MICAL3: variants seen among roughly 807,000 people sequenced by gnomAD.
MICAL3 encodes [F-actin]-monooxygenase MICAL3.
In MICAL3, 62 loss-of-function variants were observed where a neutral mutation model predicts 207.4. The observed-to-expected ratio is 0.30, with a 90% CI of 0.24 to 0.37. The LOEUF is 0.37. MICAL3 is among the 10% of genes least tolerant of loss of function. The pLI is 1.00. For missense variants in MICAL3, 2,368 were observed against 2,635.6 expected (o/e 0.90, Z 2.22); for synonymous variants, 1,077 against 1,069.3 (o/e 1.01, Z -0.14).
At chr22:17,877,545 G>C (rs1475738331) in intron 16 of MICAL3, among the ~76,000 whole-genome samples, 1 of 145,082 alleles carries the variant, frequency 6.9e-6, no homozygotes, top group Non-Finnish European at 1.5e-5. Context: ...GGTTATGGAG[G>C]TGAGGGAGGT....
intron 29 of MICAL3, among the ~76,000 whole-genome samples, chr22:17,802,061 A>ATT (rs35160195): frequency 6.7e-4 from 96 of 143,636 alleles, no homozygotes; most frequent in Middle Eastern, 3.5e-3. Context: ...AATGTAAACA[A>ATT]TTTTTTTTTT....
intron 1 of MICAL3, among the ~76,000 whole-genome samples, chr22:17,987,330 T>C (rs1921135492): frequency 6.6e-6 from 1 of 152,236 alleles, no homozygotes. Flanking sequence ...TGTTTGGAAC[T>C]GTAACTGAGC....
intron 1 of MICAL3, among the ~76,000 whole-genome samples, chr22:17,984,431 G>C (rs1236183835): frequency 6.6e-6 from 1 of 152,250 alleles, no homozygotes; most frequent in Non-Finnish European, 1.5e-5. Flanking sequence ...ACTGGTCCAA[G>C]ATTACGCAGA....
chr22:17,860,779 C>T, intron 19 of MICAL3: 1 of 984,582 alleles, frequency 1.0e-6, no homozygotes, highest in Non-Finnish European at 1.2e-6. Flanking sequence ...GACACCCACC[C>T]ACTCACCTCC....
intron 1 of MICAL3, among the ~76,000 whole-genome samples, chr22:17,963,993 A>C (rs966381513): frequency 3.3e-5 from 5 of 152,218 alleles, no homozygotes; most frequent in African/African-American, 7.2e-5. Flanking sequence ...TGGCAATAAC[A>C]ACCATTATTG....
rs374930430 is a variant in MICAL3, at chr22:18,017,679, G to A, written c.-75+6602C>T. On this transcript the variant is annotated intron_variant, in intron 1 of 31. Coordinates refer to ENST00000441493, the MANE Select transcript of MICAL3 (RefSeq NM_015241.3). ...CAGCTCACTGCAACCTCTGCCTCCC[G>A]GGTTCAAGTGATTCTCCTGCCTCTG... Among the ~76,000 whole-genome samples, 12 of 148,912 alleles carry A rather than the reference G, an allele frequency of 8.1e-5. No homozygotes were observed. The East Asian group carries it at 2.0e-3, about 25-fold the overall frequency.
intron 1 of MICAL3, among the ~76,000 whole-genome samples, chr22:17,927,421 G>A (rs1932974203): frequency 2.0e-5 from 3 of 152,144 alleles, no homozygotes; most frequent in Non-Finnish European, 4.4e-5. Context: ...GCTCAAGTGT[G>A]CAATTCCCAT....
chr22:18,022,720 C>T (rs768333896), intron 1 of MICAL3, among the ~76,000 whole-genome samples: 1 of 152,140 alleles, frequency 6.6e-6, no homozygotes, highest in African/African-American at 2.4e-5. Context: ...TGAGCCTCTG[C>T]GCCCAGCCCC....
intron 1 of MICAL3, among the ~76,000 whole-genome samples, chr22:17,988,035 G>A (rs935041074): frequency 1.6e-4 from 24 of 152,120 alleles, no homozygotes; most frequent in Admixed American, 1.0e-3. Flanking sequence ...CAGAACACCC[G>A]AAGCCAAGGC....
intron 1 of MICAL3, among the ~76,000 whole-genome samples, chr22:17,940,470 G>C (rs1933755682): frequency 6.6e-6 from 1 of 152,162 alleles, no homozygotes; most frequent in South Asian, 2.1e-4. Flanking sequence ...TTCTGATGAA[G>C]GCTGTTAAAC....
intron 1 of MICAL3, among the ~76,000 whole-genome samples, chr22:17,932,338 A>G (rs535257220): frequency 6.6e-6 from 1 of 152,252 alleles, no homozygotes; most frequent in African/African-American, 2.4e-5. Context: ...TTCTTAAAGA[A>G]AAGAATTTTC....
At chr22:17,937,540 G>A (rs752945117) in intron 1 of MICAL3, among the ~76,000 whole-genome samples, 10 of 152,166 alleles carry the variant, frequency 6.6e-5, no homozygotes, top group Non-Finnish European at 1.2e-4. Flanking sequence ...GCGCATCCCC[G>A]TAATCCTAGC....
intron 29 of MICAL3, among the ~76,000 whole-genome samples, chr22:17,795,465 G>A (rs985095593): frequency 1.3e-5 from 2 of 152,186 alleles, no homozygotes; most frequent in Non-Finnish European, 2.9e-5. Context: ...CGCCTGCACG[G>A]GTAATAATTA....
intron 19 of MICAL3, chr22:17,863,055 A>G: frequency 6.1e-6 from 6 of 985,138 alleles, no homozygotes; most frequent in Non-Finnish European, 7.2e-6. Context: ...CTCTCTCCCC[A>G]CTATGTAGAA....
chr22:18,008,172 G>A (rs1602395174), intron 1 of MICAL3, among the ~76,000 whole-genome samples: 1 of 152,064 alleles, frequency 6.6e-6, no homozygotes. Flanking sequence ...CCCAGGAGGT[G>A]GAGATTGCAG....
chr22:18,017,908 G>T (rs1924172730), intron 1 of MICAL3, among the ~76,000 whole-genome samples: 2 of 151,714 alleles, frequency 1.3e-5, no homozygotes, highest in South Asian at 4.2e-4. Flanking sequence ...CCGCCACCAC[G>T]CCCGGCTCAT....
chr22:17,993,224 T>C (rs1451509926), intron 1 of MICAL3, among the ~76,000 whole-genome samples: 1 of 151,326 alleles, frequency 6.6e-6, no homozygotes, highest in Non-Finnish European at 1.5e-5. Flanking sequence ...GTGCCAATTA[T>C]ACACAGTGAT....
At chr22:17,871,780 T>C in intron 17 of MICAL3, 57 bp downstream of exon 17, 2 of 1,504,458 alleles carry the variant, frequency 1.3e-6, no homozygotes, top group Non-Finnish European at 1.8e-6. Context: ...CCAGCTCAGA[T>C]GGAAACACTG....
chr22:17,889,288 C>T (rs550532675), intron 12 of MICAL3, 58 bp from the exon 13 acceptor site: 6 of 1,307,128 alleles, frequency 4.6e-6, no homozygotes, highest in East Asian at 2.3e-5. Flanking sequence ...TAAACAGAAA[C>T]GCAGTATCCT....
Sources: allele counts gnomAD v4.1 joint callset (sites outside exome capture counted in the v4.1 genomes callset), GRCh38; gene constraint gnomAD v4.1.1; transcripts MANE v1.5; gene names NCBI Gene and HGNC (gene_info 2026-07-23, HGNC 2026-07-21).